The following RAB21 variants were observed in gnomAD, a reference collection of about 807,000 sequenced individuals.
The protein encoded by RAB21 is ras-related protein Rab-21.
In RAB21, 13 loss-of-function variants were observed where a neutral mutation model predicts 33.1. That is an observed-to-expected ratio of 0.39 (90% CI 0.26 to 0.62). The LOEUF is 0.62. Among genes scored for constraint, RAB21 ranks in the 20% least tolerant of loss-of-function variants. RAB21 has a pLI of 0.48. For synonymous variants in RAB21, 91 were observed against 103.7 expected (o/e 0.88, Z 0.74); for missense variants, 234 against 279.1 (o/e 0.84, Z 1.15).
rs1205786417 is a variant in RAB21 at position 71,799,745 on chromosome 12, G to A, written c.*14072G>A. 6.6e-6 allele frequency: 1 copy of A among 152,154 alleles called. No homozygotes were observed. Among genetic ancestry groups the A allele is most frequent in the African/African-American group, 2.4e-5 (1 of 41,446 alleles). 9.4% of individuals were successfully genotyped at this position (152,154 alleles called of 1,614,324 possible). A position where few individuals can be genotyped will look rare whatever the true frequency, so the allele number is the denominator to read the frequency against. ...TACTGTATATTTTAAAATTGAACAA[G>A]TATAGTAGACAATTGAAGTATAGTA... On this transcript the variant is annotated 3_prime_UTR_variant, in exon 7 of 7. Coordinates refer to ENST00000261263, the MANE Select transcript of RAB21 (RefSeq NM_014999.4).
chr12:71,759,224 T>C (rs1449480531), intron 1 of RAB21, among the ~76,000 whole-genome samples: 2 of 152,238 alleles, frequency 1.3e-5, no homozygotes, highest in East Asian at 3.8e-4. Context: ...CTGACTGGGC[T>C]CCTTTGGGCC....
chr12:71,785,062 C>T (rs140621584), intron 6 of RAB21, among the ~76,000 whole-genome samples: 131 of 152,218 alleles, frequency 8.6e-4, no homozygotes, highest in African/African-American at 3.0e-3. Context: ...CACCACTGCA[C>T]ATCCAGCCTG....
chr12:71,766,405 C>T (rs777494073), intron 1 of RAB21, among the ~76,000 whole-genome samples: 1 of 152,002 alleles, frequency 6.6e-6, no homozygotes, highest in Non-Finnish European at 1.5e-5. Flanking sequence ...AGATATTTAC[C>T]CTCCTTATGC....
In RAB21 at chr12:71,770,711, A is replaced by C; in HGVS notation, c.327+12A>C. ...ATTCTTTTCAGAAGGTATTCTATTC[A>C]TGGGTAGATGTCTTAGAAGAACAAT... On this transcript the variant is annotated intron_variant, in intron 3 of 6. Transcript: ENST00000261263. The C allele has an allele frequency of 2.7e-6, 4 of 1,480,502 alleles. No homozygotes were observed. The allele number at this position is 1,480,502 out of a possible 1,614,324, so 91.7% of individuals were successfully genotyped here. A position where few individuals can be genotyped will look rare whatever the true frequency, so the allele number is the denominator to read the frequency against.
intron 1 of RAB21, among the ~76,000 whole-genome samples, chr12:71,769,043 A>G (rs1883002611): frequency 6.6e-6 from 1 of 152,266 alleles, no homozygotes; most frequent in East Asian, 1.9e-4. Context: ...GACCATACCC[A>G]CTTGGAGTTC....
chr12:71,758,439 G>A (rs190121532), intron 1 of RAB21, among the ~76,000 whole-genome samples: 267 of 152,080 alleles, frequency 1.8e-3, no homozygotes, highest in Non-Finnish European at 3.1e-3. Flanking sequence ...TCTTCTCTTG[G>A]GTAAACAACT....
chr12:71,787,265 TC>T lies in RAB21; in HGVS notation c.*1593del, dbSNP rs1883308998. The T allele has an allele frequency of 6.6e-6, 1 of 152,210 alleles. No homozygotes were observed. Among genetic ancestry groups the T allele is most frequent in the Non-Finnish European group, 1.5e-5 (1 of 68,032 alleles). The allele number at this position is 152,210 out of a possible 1,614,324, so 9.4% of individuals were successfully genotyped here. On this transcript the variant is annotated 3_prime_UTR_variant, in exon 7 of 7. Transcript: ENST00000261263. The stretch of plus-strand genomic sequence containing the variant: ...ATTAGTCCCTCATTAGATTTTTTTT[TC>T]TTAAGCATAAGACTGAACTTAAATG...
intron 1 of RAB21, among the ~76,000 whole-genome samples, chr12:71,762,369 G>C (rs1023575388): frequency 4.0e-5 from 6 of 151,884 alleles, no homozygotes; most frequent in African/African-American, 1.5e-4. Context: ...GCAGTGGCGC[G>C]ATCTCGGCTC....
chr12:71,774,072 G>A (rs1883082394), intron 4 of RAB21, 50 bp downstream of exon 4: 2 of 1,282,322 alleles, frequency 1.6e-6, no homozygotes, highest in Non-Finnish European at 2.2e-6. Context: ...TTTCCTTAAT[G>A]TTTTATTGAA....
rs754030409 is a variant in RAB21 at position 71,789,638 on chromosome 12, A to G, written c.*3965A>G. 6.6e-6 allele frequency: 1 copy of G among 152,156 alleles called. No individual in the cohort carries two copies. Among genetic ancestry groups the G allele is most frequent in the Non-Finnish European group, 1.5e-5 (1 of 67,982 alleles). The allele number at this position is 152,156 out of a possible 1,614,324, so 9.4% of individuals were successfully genotyped here. A position where few individuals can be genotyped will look rare whatever the true frequency, so the allele number is the denominator to read the frequency against. ...TAATGTCTAAAGATATAAACTGAGT[A>G]GATCCCTAAGTACTCTTCTCTAAAT... is the stretch of plus-strand genomic sequence containing the variant. On this transcript the variant is annotated 3_prime_UTR_variant, in exon 7 of 7. Coordinates refer to ENST00000261263, the MANE Select transcript of RAB21 (RefSeq NM_014999.4).
intron 4 of RAB21, among the ~76,000 whole-genome samples, chr12:71,777,919 A>G (rs1263859039): frequency 6.6e-6 from 1 of 152,156 alleles, no homozygotes; most frequent in Non-Finnish European, 1.5e-5. Flanking sequence ...AGATTGCTTA[A>G]ATTTTTTAGC....
rs916059848 is a variant in RAB21 at position 71,790,545 on chromosome 12, G to C, written c.*4872G>C. 6.6e-6 allele frequency: 1 copy of C among 152,076 alleles called. No individual in the cohort carries two copies. Among genetic ancestry groups the C allele is most frequent in the Non-Finnish European group, 1.5e-5 (1 of 68,004 alleles). 9.4% of individuals were successfully genotyped at this position (152,076 alleles called of 1,614,324 possible). On this transcript the variant is annotated 3_prime_UTR_variant, in exon 7 of 7. Transcript: ENST00000261263. ...TAGAAATATGAAAGTTCCTCATTTT[G>C]TATTTAATTATGTAAGAAAATGTTC... is the stretch of plus-strand genomic sequence containing the variant.
intron 4 of RAB21, among the ~76,000 whole-genome samples, chr12:71,776,303 T>G (rs1355611177): frequency 6.6e-6 from 1 of 150,950 alleles, no homozygotes; most frequent in Non-Finnish European, 1.5e-5. Flanking sequence ...AGTGTGTTTG[T>G]TTTTTTTTAA....
chr12:71,757,767 A>G (rs1882806632), intron 1 of RAB21, among the ~76,000 whole-genome samples: 1 of 152,234 alleles, frequency 6.6e-6, no homozygotes, highest in African/African-American at 2.4e-5. Context: ...TATGAGAGGA[A>G]GAGTTCACCT....
Position 71,794,405 on chromosome 12 carries a change from T to TA in RAB21, c.*8732_*8733insA, listed in dbSNP as rs1555189629. On this transcript the variant is annotated 3_prime_UTR_variant, in exon 7 of 7. Transcript: ENST00000261263. ...AAAACAAAACAAAACCATATATATATTATATATATATATATATATATATTT... is the reference window on the plus strand; with the variant it reads ...AAAACAAAACAAAACCATATATATATATATATATATATATATATATATATTT... The TA allele has an allele frequency of 3.9e-5, 2 of 51,048 alleles. No individual in the cohort carries two copies. The highest frequency in any genetic ancestry group is 9.1e-4 in the South Asian group (1 of 1,102). The allele number at this position is 51,048 out of a possible 1,614,324, so 3.2% of individuals were successfully genotyped here.
At chr12:71,780,785 CTTATCTGAAAT>C (rs932228143) in intron 4 of RAB21, among the ~76,000 whole-genome samples, 27 of 152,232 alleles carry the variant, frequency 1.8e-4, no homozygotes, top group Admixed American at 9.8e-4. Flanking sequence ...ATTTCAATGC[CTTATCTGAAAT>C]TTATCTGAAA....
chr12:71,769,977 A>G (rs968511137), intron 2 of RAB21, 118 bp downstream of exon 2: 3 of 458,098 alleles, frequency 6.5e-6, no homozygotes, highest in Non-Finnish European at 1.1e-5. Flanking sequence ...GAATCTTAAA[A>G]TCTGGTTGAG....
rs922883146 is a variant in RAB21 at position 71,759,523 on chromosome 12, C to T, written c.159+4235C>T. ...CCATGCATGGGCCACAGGCCATCCC[C>T]TCCTCCTTCCCTTGAGTAAGAAACA... On this transcript the variant is annotated intron_variant, in intron 1 of 6. Transcript: ENST00000261263. 8.5e-5 allele frequency among the ~76,000 whole-genome samples: 13 copies of T among 152,362 alleles called. No homozygotes were observed. In the South Asian group the frequency reaches 2.5e-3, roughly 29 times the overall value.
In RAB21 at chr12:71,797,059, G is replaced by A. The variant is rs540035296; in HGVS notation, c.*11386G>A. The A allele has an allele frequency of 1.3e-5, 2 of 152,170 alleles. No homozygotes were observed. Among genetic ancestry groups the A allele is most frequent in the East Asian group, 3.9e-4 (2 of 5,184 alleles). The allele number at this position is 152,170 out of a possible 1,614,324, so 9.4% of individuals were successfully genotyped here. ...TTCGTGTTTCCATTTTCATAATGGG[G>A]GTTAGTCATAAACCATTCTATGTGG... On this transcript the variant is annotated 3_prime_UTR_variant, in exon 7 of 7. Coordinates refer to ENST00000261263, the MANE Select transcript of RAB21 (RefSeq NM_014999.4).
Sources: gnomAD v4.1 joint callset for allele counts (sites outside exome capture counted in the v4.1 genomes callset) on GRCh38, gnomAD v4.1.1 for gene constraint, MANE v1.5 for transcripts, NCBI Gene and HGNC (gene_info 2026-07-23, HGNC 2026-07-21) for gene names.